The following DENND4A variants were observed in gnomAD, a reference collection of about 807,000 sequenced individuals.
DENND4A encodes C-myc promoter-binding protein.
Under a neutral mutation model 199.3 loss-of-function variants are expected in DENND4A, and 70 were observed. The ratio of observed to expected loss-of-function variants is 0.35; its 90% CI spans 0.29 to 0.43. The LOEUF (loss-of-function observed/expected upper bound fraction) is 0.43, where lower values mean the gene tolerates loss of function less well. DENND4A is among the 20% of genes least tolerant of loss of function. The probability of loss-of-function intolerance (pLI) is 1.00; values close to 1 mark genes in which losing one functional copy is unlikely to be tolerated. For synonymous variants in DENND4A, 686 were observed against 766.9 expected (o/e 0.89, Z 1.74); for missense variants, 1,723 against 2,255.8 (o/e 0.76, Z 4.78).
rs539346559 is a variant in DENND4A at position 65,791,291 on chromosome 15, C to T, written c.-102+719G>A. ...TAAAAGCACATTGGAACAACAACAA[C>T]AATCTTCCAGCACATCTGTCATTTA... On this transcript the variant is annotated intron_variant, in intron 1 of 32. Transcript: ENST00000443035. 2.0e-5 allele frequency among the ~76,000 whole-genome samples: 3 copies of T among 152,330 alleles called. No homozygotes were observed. The East Asian group carries it at 5.8e-4, about 29-fold the overall frequency.
intron 24 of DENND4A, among the ~76,000 whole-genome samples, 171 bp downstream of exon 24, chr15:65,676,274 A>G (rs1365814713): frequency 2.6e-5 from 4 of 151,840 alleles, no homozygotes; most frequent in Non-Finnish European, 5.9e-5. Context: ...AGTGGGGATG[A>G]AAGTTATACT....
chr15:65,703,021 AAAC>A lies in DENND4A; in HGVS notation c.2088-16_2088-14del, dbSNP rs1162084570. 6.2e-7 allele frequency: 1 copy of A among 1,604,708 alleles called. No homozygotes were observed. Among genetic ancestry groups the A allele is most frequent in the South Asian group, 1.1e-5 (1 of 90,418 alleles). ...AAATCCATTATAGCTGTTTTAGAAA[AAAC>A]AAAACAAAACAAAAAAGAGTTCTCA... is the stretch of plus-strand genomic sequence containing the variant. On this transcript the variant is annotated splice_polypyrimidine_tract_variant and intron_variant, in intron 15 of 32. Coordinates refer to ENST00000443035, the MANE Select transcript of DENND4A (RefSeq NM_001320835.1).
chr15:65,755,101 C>T (rs1250970405), intron 3 of DENND4A, among the ~76,000 whole-genome samples: 1 of 152,204 alleles, frequency 6.6e-6, no homozygotes, highest in Non-Finnish European at 1.5e-5. Context: ...CATACTATAA[C>T]ATGGATGAAC....
chr15:65,758,390 T>C (rs763489781), intron 2 of DENND4A, among the ~76,000 whole-genome samples: 5 of 152,194 alleles, frequency 3.3e-5, no homozygotes, highest in African/African-American at 1.2e-4. Flanking sequence ...CATGGCTCAC[T>C]GCAGCCTTGA....
At chr15:65,696,754 G>C (rs943488656) in intron 21 of DENND4A, 2 of 276,906 alleles carry the variant, frequency 7.2e-6, no homozygotes, top group African/African-American at 4.5e-5. Context: ...TGATTGTAAA[G>C]GAGTGCTTTT....
rs1254200285 is a variant in DENND4A, at chr15:65,786,952, T to C, written c.-102+5058A>G. On this transcript the variant is annotated intron_variant, in intron 1 of 32. Transcript: ENST00000443035. ...GGGGAGAACAAAAGGGACTTTAACA[T>C]GATCTGTAATATTCAAGAAAAGTAT... Among the ~76,000 whole-genome samples, 4 of 152,216 alleles carry C rather than the reference T, an allele frequency of 2.6e-5. No individual in the cohort carries two copies. The South Asian group carries it at 8.3e-4, about 32-fold the overall frequency.
At chr15:65,744,575 C>T (rs147411861) in intron 4 of DENND4A, among the ~76,000 whole-genome samples, 52 of 152,246 alleles carry the variant, frequency 3.4e-4, no homozygotes, top group African/African-American at 1.2e-3. Flanking sequence ...CCCATCACCC[C>T]TCTCTTGCAT....
intron 27 of DENND4A, among the ~76,000 whole-genome samples, chr15:65,669,010 C>CAG (rs2076135052): frequency 6.6e-6 from 1 of 152,010 alleles, no homozygotes; most frequent in African/African-American, 2.4e-5. Context: ...TTCTATATAG[C>CAG]AGAAAGCACA....
chr15:65,773,001 GCAAAAA>G (rs2077179663), intron 1 of DENND4A, among the ~76,000 whole-genome samples: 1 of 7,948 alleles, frequency 1.3e-4, no homozygotes. Context: ...TTGTTTCTAA[GCAAAAA>G]AAAAAAAAAA....
chr15:65,676,683 A>G (rs1041767306), intron 23 of DENND4A, 49 bp from the exon 24 acceptor site: 9 of 1,454,600 alleles, frequency 6.2e-6, no homozygotes, highest in Non-Finnish European at 7.4e-6. Flanking sequence ...AAAGGTAATT[A>G]ATTAAAAAGT....
At chr15:65,705,075 G>A (rs1157992816) in intron 15 of DENND4A, among the ~76,000 whole-genome samples, 2 of 152,138 alleles carry the variant, frequency 1.3e-5, no homozygotes, top group East Asian at 3.8e-4. Context: ...GAGAAATTAA[G>A]AGAAATATTT....
intron 1 of DENND4A, among the ~76,000 whole-genome samples, chr15:65,776,321 T>C (rs1238915628): frequency 6.6e-6 from 1 of 152,214 alleles, no homozygotes; most frequent in South Asian, 2.1e-4. Context: ...GCTCATAAAA[T>C]AATGACTCAA....
intron 23 of DENND4A, among the ~76,000 whole-genome samples, chr15:65,686,335 T>C (rs1854809652): frequency 6.6e-6 from 1 of 152,152 alleles, no homozygotes; most frequent in Non-Finnish European, 1.5e-5. Context: ...TATTCTGTAG[T>C]TGTTGAGTGT....
In DENND4A at chr15:65,660,724, G is replaced by A. The variant is rs2075823351; in HGVS notation, c.*1127C>T. 1 of 155,126 alleles carries A rather than the reference G, an allele frequency of 6.4e-6. No individual in the cohort carries two copies. The highest frequency in any genetic ancestry group is 2.0e-4 in the South Asian group (1 of 4,900). 9.6% of individuals were successfully genotyped at this position (155,126 alleles called of 1,614,324 possible). ...CAGACTTCAGATTCTGAAGCTTGTT[G>A]AAAAAGCTAAGTTCCTCAATATGGA... is the stretch of plus-strand genomic sequence containing the variant. On this transcript the variant is annotated 3_prime_UTR_variant, in exon 33 of 33. Transcript: ENST00000443035.
At chr15:65,690,338 A>G in intron 23 of DENND4A, 77 bp downstream of exon 23, 1 of 1,437,200 alleles carries the variant, frequency 7.0e-7, no homozygotes, top group Non-Finnish European at 9.2e-7. Context: ...AAGAATAGTT[A>G]AAACGAGTAA....
chr15:65,690,164 C>T (rs560042536), intron 23 of DENND4A, among the ~76,000 whole-genome samples: 3 of 152,288 alleles, frequency 2.0e-5, no homozygotes, highest in Admixed American at 1.3e-4. Flanking sequence ...AGTACTTTCA[C>T]GTGACACTAA....
chr15:65,710,060 A>G (rs768462181), intron 14 of DENND4A, among the ~76,000 whole-genome samples: 2 of 152,144 alleles, frequency 1.3e-5, no homozygotes, highest in Admixed American at 6.5e-5. Context: ...CTACCATCAC[A>G]TAAACAACAG....
chr15:65,690,031 G>T (rs939842537), intron 23 of DENND4A, among the ~76,000 whole-genome samples: 1 of 152,104 alleles, frequency 6.6e-6, no homozygotes, highest in Non-Finnish European at 1.5e-5. Flanking sequence ...TAAGTCTATC[G>T]TAAGTTACTC....
At chr15:65,712,879 G>C (rs925017957) in intron 14 of DENND4A, among the ~76,000 whole-genome samples, 14 of 151,886 alleles carry the variant, frequency 9.2e-5, no homozygotes, top group African/African-American at 3.4e-4. Context: ...TAACATCATG[G>C]ATACTATATA....
Sources: allele counts gnomAD v4.1 joint callset (sites outside exome capture counted in the v4.1 genomes callset), GRCh38; gene constraint gnomAD v4.1.1; transcripts MANE v1.5; gene names NCBI Gene and HGNC (gene_info 2026-07-23, HGNC 2026-07-21).